The following PCDHGA9 variants were observed in gnomAD, a reference collection of about 807,000 sequenced individuals.
The protein encoded by PCDHGA9 is protocadherin gamma subfamily A, 9.
Under a neutral mutation model 62.5 loss-of-function variants are expected in PCDHGA9, and 37 were observed. The ratio of observed to expected loss-of-function variants is 0.59; its 90% CI spans 0.46 to 0.78. The LOEUF (loss-of-function observed/expected upper bound fraction) is 0.78. PCDHGA9 is among the 30% of genes least tolerant of loss of function. The probability of loss-of-function intolerance (pLI) is 0.00; values close to 1 mark genes in which losing one functional copy is unlikely to be tolerated. For synonymous variants in PCDHGA9, 459 were observed against 484.6 expected (o/e 0.95, Z 0.69); for missense variants, 1,138 against 1,166.2 (o/e 0.98, Z 0.35).
chr5:141,445,093 A>G (rs987863232), intron 1 of PCDHGA9, among the ~76,000 whole-genome samples: 2 of 152,168 alleles, frequency 1.3e-5, no homozygotes, highest in Non-Finnish European at 2.9e-5. Flanking sequence ...TACATATTTG[A>G]TGTTTTCTAA....
intron 1 of PCDHGA9, chr5:141,423,339 C>T (rs1393650718): frequency 6.2e-7 from 1 of 1,614,072 alleles, no homozygotes; most frequent in Non-Finnish European, 8.5e-7. Flanking sequence ...TCTCCTGCAT[C>T]TTCCTGGTCT....
chr5:141,421,766 C>T, intron 1 of PCDHGA9: 2 of 1,613,868 alleles, frequency 1.2e-6, no homozygotes, highest in South Asian at 1.1e-5. Context: ...AATTACTTTT[C>T]CTTGCAACTG....
At chr5:141,408,675 C>T (rs574868088) in intron 1 of PCDHGA9, 14 of 1,613,950 alleles carry the variant, frequency 8.7e-6, no homozygotes, top group Admixed American at 8.3e-5. Flanking sequence ...GACCCTGCCA[C>T]GGATCCTGAT....
Position 141,511,229 on chromosome 5 carries a change from T to G in PCDHGA9, c.*56T>G. 6.3e-7 allele frequency: 1 copy of G among 1,598,500 alleles called. No homozygotes were observed. Among genetic ancestry groups the G allele is most frequent in the Non-Finnish European group, 8.5e-7 (1 of 1,172,476 alleles). On this transcript the variant is annotated 3_prime_UTR_variant, in exon 4 of 4. Transcript: ENST00000573521. ...GCCTCTCCCCAACCAGCCCAGCTTC[T>G]CCTTACCTGCACCCAGGCCTCAGAG...
At position 141,487,939 on chromosome 5, in the gene PCDHGA9, C is replaced by A; in HGVS notation, c.2425-6868C>A. ...AGGCTACAGTGCACAGGGTACAGTG[C>A]ACCAGGCAGTCACTTGGACAAAGGT... On this transcript the variant is annotated intron_variant, in intron 1 of 3. Coordinates refer to ENST00000573521, the MANE Select transcript of PCDHGA9 (RefSeq NM_018921.3). The surrounding 1 kb of genome is among the most constrained non-coding windows in gnomAD (Gnocchi z 5.0). The A allele has an allele frequency of 1.7e-6, 1 of 600,512 alleles. No individual in the cohort carries two copies. Among genetic ancestry groups the A allele is most frequent in the Non-Finnish European group, 2.9e-6 (1 of 343,042 alleles). The allele number at this position is 600,512 out of a possible 1,614,324, so 37.2% of individuals were successfully genotyped here.
At chr5:141,440,399 A>T (rs1215824479) in intron 1 of PCDHGA9, 1 of 152,164 alleles carries the variant, frequency 6.6e-6, no homozygotes, top group Non-Finnish European at 1.5e-5. Context: ...CCGAGAGGCA[A>T]TCGCACCACT....
intron 1 of PCDHGA9, among the ~76,000 whole-genome samples, chr5:141,492,760 C>T (rs991820569): frequency 1.3e-5 from 2 of 152,212 alleles, no homozygotes; most frequent in Admixed American, 1.3e-4. Context: ...CAGGGCTCCG[C>T]GTTGGGCGAG....
At position 141,431,276 on chromosome 5, in the gene PCDHGA9, A is replaced by T; in HGVS notation, c.2424+25900A>T. 6.2e-7 allele frequency: 1 copy of T among 1,614,176 alleles called. No individual in the cohort carries two copies. Among genetic ancestry groups the T allele is most frequent in the South Asian group, 1.1e-5 (1 of 91,084 alleles). ...GAACTCTCTGCAGAGCTACGAGCTC[A>T]GCCCGAACACTCACTTCTCCCTCAT... is the stretch of plus-strand genomic sequence containing the variant. On this transcript the variant is annotated intron_variant, in intron 1 of 3. Transcript: ENST00000573521. The surrounding 1 kb of genome is among the most constrained non-coding windows in gnomAD (Gnocchi z 4.8).
intron 1 of PCDHGA9, among the ~76,000 whole-genome samples, chr5:141,454,796 ATTTTTTTTTTT>A (rs61612330): frequency 0.01 from 775 of 77,498 alleles, 10 homozygotes; most frequent in African/African-American, 0.043. Context: ...CATGGTTCTA[ATTTTTTTTTTT>A]TTTTTTTTTT....
chr5:141,501,296 C>T (rs4912760), intron 2 of PCDHGA9, among the ~76,000 whole-genome samples: 1,659 of 80,026 alleles, frequency 0.021, 16 homozygotes, highest in African/African-American at 0.042. Flanking sequence ...CTTATACACA[C>T]ACACACACAC....
chr5:141,414,435 C>T lies in PCDHGA9; in HGVS notation c.2424+9059C>T, dbSNP rs891322256. 4.3e-6 allele frequency: 7 copies of T among 1,613,678 alleles called. No homozygotes were observed. In the African/African-American group the frequency reaches 8.0e-5, roughly 18 times the overall value. On this transcript the variant is annotated intron_variant, in intron 1 of 3. Coordinates refer to ENST00000573521, the MANE Select transcript of PCDHGA9 (RefSeq NM_018921.3). ...GAGCCCTTGACAGGGAACAGGTATC[C>T]TCTTACAATATCACAGTGACAGCCA...
At chr5:141,452,000 A>G (rs2098730428) in intron 1 of PCDHGA9, among the ~76,000 whole-genome samples, 1 of 152,198 alleles carries the variant, frequency 6.6e-6, no homozygotes, top group Admixed American at 6.5e-5. Flanking sequence ...AAGCAAAATC[A>G]CTTGGTCCAG....
rs1280923293 is a variant in PCDHGA9 at position 141,478,837 on chromosome 5, G to A, written c.2425-15970G>A. ...AACTAACCAATCTTGCTAAGGGATG[G>A]TTAAGCTAAAACACAAGATCTCAGC... is the stretch of plus-strand genomic sequence containing the variant. On this transcript the variant is annotated intron_variant, in intron 1 of 3. Transcript: ENST00000573521. 3.5e-6 allele frequency: 5 copies of A among 1,428,112 alleles called. No homozygotes were observed. The African/African-American group carries it at 5.8e-5, about 16-fold the overall frequency. The allele number at this position is 1,428,112 out of a possible 1,614,324, so 88.5% of individuals were successfully genotyped here.
Position 141,431,354 on chromosome 5 carries a change from G to GCC in PCDHGA9, c.2424+25980_2424+25981dup. The GCC allele has an allele frequency of 6.2e-7, 1 of 1,614,036 alleles. No individual in the cohort carries two copies. Among genetic ancestry groups the GCC allele is most frequent in the African/African-American group, 1.3e-5 (1 of 75,052 alleles). On this transcript the variant is annotated intron_variant, in intron 1 of 3. Transcript: ENST00000573521. This position sits in a 1 kb window ranked among gnomAD's most constrained non-coding sequence, Gnocchi z 4.8. Reference sequence around the variant, plus strand: ...GTACCCCGAATTGGTGCTGAAACGCGCCCTGGACCGCGAAGAAAAGGCTGC... The same window carrying GCC: ...GTACCCCGAATTGGTGCTGAAACGCGCCCCCTGGACCGCGAAGAAAAGGCTGC...
chr5:141,441,103 A>C (rs2098225469), intron 1 of PCDHGA9: 1 of 152,198 alleles, frequency 6.6e-6, no homozygotes, highest in Non-Finnish European at 1.5e-5. Flanking sequence ...AGAGGGACTC[A>C]TTGTCCAGTG....
At chr5:141,471,361 CT>C (rs2099255928) in intron 1 of PCDHGA9, 1 of 151,976 alleles carries the variant, frequency 6.6e-6, no homozygotes, top group Non-Finnish European at 1.5e-5. Flanking sequence ...TCCAAGCCCC[CT>C]ATTTTTATTT....
chr5:141,476,551 C>G lies in PCDHGA9; in HGVS notation c.2425-18256C>G, dbSNP rs367700651. ...CCCAGGAAATGAAATTGGAGATTAG[C>G]GAGGCCGTGGCTCCGGGGACGCGCT... On this transcript the variant is annotated intron_variant, in intron 1 of 3. Transcript: ENST00000573521. The surrounding 1 kb of genome is among the most constrained non-coding windows in gnomAD (Gnocchi z 7.6). 128 of 1,614,078 alleles carry G rather than the reference C, an allele frequency of 7.9e-5. No homozygotes were observed. Among genetic ancestry groups the G allele is most frequent in the Non-Finnish European group, 1.0e-4 (122 of 1,180,034 alleles).
chr5:141,473,238 G>A (rs1265577738), intron 1 of PCDHGA9, among the ~76,000 whole-genome samples: 4 of 152,200 alleles, frequency 2.6e-5, no homozygotes, highest in Admixed American at 6.5e-5. Context: ...ATCCACACAA[G>A]TGAATACATA....
At chr5:141,415,552 G>A in intron 1 of PCDHGA9, 1 of 1,614,098 alleles carries the variant, frequency 6.2e-7, no homozygotes, top group Admixed American at 1.7e-5. Context: ...TGAGAAAAAC[G>A]ATCCTTTGTC....
Sources: gnomAD v4.1 joint callset for allele counts (sites outside exome capture counted in the v4.1 genomes callset) on GRCh38, gnomAD v4.1.1 for gene constraint, Gnocchi (gnomAD v3.1) non-coding constraint, MANE v1.5 for transcripts, NCBI Gene and HGNC (gene_info 2026-07-23, HGNC 2026-07-21) for gene names.